Variants in PATJ observed in about 807,000 individuals in gnomAD.
PATJ encodes the protein PATJ crumbs cell polarity complex component.
PATJ carries 190 observed loss-of-function variants against 224.9 expected under a neutral mutation model. The ratio of observed to expected loss-of-function variants is 0.84; its 90% CI spans 0.75 to 0.95. The LOEUF (loss-of-function observed/expected upper bound fraction) is 0.95. Among genes scored for constraint, PATJ ranks in the 40% least tolerant of loss-of-function variants. PATJ has a pLI of 0.00. For missense variants in PATJ, 2,121 were observed against 2,270.3 expected, an observed-to-expected ratio of 0.93 and a Z score of 1.34; for synonymous variants, 769 against 820.3, an observed-to-expected ratio of 0.94 and a Z score of 1.07.
In PATJ at chr1:62,137,860, T is replaced by TG. The variant is rs199744660; in HGVS notation, c.5271+8921dup. Among the ~76,000 whole-genome samples, 1,466 of 151,852 alleles carry TG rather than the reference T, an allele frequency of 9.7e-3. 25 individuals are homozygous for TG. Among genetic ancestry groups the TG allele is most frequent in the South Asian group, 0.08 (384 of 4,784 alleles). ...GGCCAGTGGCCTCCCTCACCTCAGGTGGGGGGATCTCCTCCTTCTCTTCCT... is the reference window on the plus strand; with the variant it reads ...GGCCAGTGGCCTCCCTCACCTCAGGTGGGGGGGATCTCCTCCTTCTCTTCCT... On this transcript the variant is annotated intron_variant, in intron 41 of 43. Coordinates refer to ENST00000642238, the MANE Select transcript of PATJ (RefSeq NM_001350145.3).
intron 1 of PATJ, among the ~76,000 whole-genome samples, chr1:61,749,683 T>G (rs897644068): frequency 3.4e-5 from 4 of 117,684 alleles, no homozygotes; most frequent in Non-Finnish European, 7.7e-5. Flanking sequence ...CAGCCTGGTG[T>G]TTTTTTTTTT....
intron 28 of PATJ, among the ~76,000 whole-genome samples, chr1:61,998,050 AT>A (rs1645519312): frequency 7.5e-6 from 1 of 132,906 alleles, no homozygotes; most frequent in East Asian, 2.1e-4. Flanking sequence ...TATTATATAT[AT>A]TATATATAAT....
chr1:61,963,134 A>T (rs1469232643), intron 27 of PATJ, among the ~76,000 whole-genome samples: 1 of 115,044 alleles, frequency 8.7e-6, no homozygotes, highest in Non-Finnish European at 2.1e-5. Flanking sequence ...AATTAGCAGG[A>T]TTTCCACTGG....
chr1:62,145,625 A>C (rs1357825055), intron 41 of PATJ, among the ~76,000 whole-genome samples: 2 of 152,006 alleles, frequency 1.3e-5, no homozygotes, highest in African/African-American at 4.8e-5. Context: ...ATACCACTGC[A>C]CTCCAGCCTG....
At chr1:62,093,301 C>T (rs1661009976) in intron 33 of PATJ, among the ~76,000 whole-genome samples, 1 of 152,212 alleles carries the variant, frequency 6.6e-6, no homozygotes, top group African/African-American at 2.4e-5. Flanking sequence ...CTTAACCCCT[C>T]ATCATGTTGC....
chr1:62,156,054 T>TAA (rs34300724), intron 43 of PATJ, among the ~76,000 whole-genome samples: 18,580 of 43,006 alleles, frequency 0.43, 5,289 homozygotes, highest in East Asian at 0.62. Flanking sequence ...CAAGACTCTG[T>TAA]AAAAAAAAAA....
At chr1:61,885,346 A>G (rs1484982507) in intron 22 of PATJ, among the ~76,000 whole-genome samples, 1 of 152,138 alleles carries the variant, frequency 6.6e-6, no homozygotes, top group Admixed American at 6.5e-5. Context: ...AACACAAACA[A>G]CCCCATCAAA....
At chr1:61,766,241 A>T in intron 3 of PATJ, 38 bp from the exon 4 acceptor site, 1 of 1,358,600 alleles carries the variant, frequency 7.4e-7, no homozygotes. Context: ...CAATTTTTCT[A>T]TAGATTTCTG....
intron 25 of PATJ, among the ~76,000 whole-genome samples, chr1:61,910,660 G>C (rs1449595202): frequency 7.2e-6 from 1 of 139,212 alleles, no homozygotes; most frequent in Non-Finnish European, 1.5e-5. Context: ...AATCTTCCCA[G>C]TTCAGCCTCC....
In PATJ at chr1:61,975,091, T is replaced by C. The variant is rs148431085; in HGVS notation, c.3671-15077T>C. Among the ~76,000 whole-genome samples, 1,058 of 152,078 alleles carry C rather than the reference T, an allele frequency of 7.0e-3. 4 individuals are homozygous for C. Among genetic ancestry groups the C allele is most frequent in the Non-Finnish European group, 0.011 (747 of 68,000 alleles). ...TCCTGAGTAGCTGGGACTATAGGCA[T>C]GAGCCACCACACCTGGCTAATGTTC... On this transcript the variant is annotated intron_variant, in intron 27 of 43. Transcript: ENST00000642238.
At chr1:62,117,106 T>G (rs1211523658) in intron 36 of PATJ, 26 bp from the exon 37 acceptor site, 2 of 1,580,486 alleles carry the variant, frequency 1.3e-6, no homozygotes, top group Non-Finnish European at 1.7e-6. Flanking sequence ...TACTTTTCAT[T>G]TCTGTTCTTT....
At position 61,828,967 on chromosome 1, in the gene PATJ, T is replaced by C. The variant is rs140237887; in HGVS notation, c.1980+1384T>C. Among the ~76,000 whole-genome samples, 704 of 152,332 alleles carry C rather than the reference T, an allele frequency of 4.6e-3. 5 individuals carry two copies. The highest frequency in any genetic ancestry group is 0.015 in the African/African-American group (641 of 41,574). On this transcript the variant is annotated intron_variant, in intron 16 of 43. Transcript: ENST00000642238. Reference sequence around the variant, plus strand: ...ATCATACTTACCCATCTCATGAGTTTGTGCAAGAAGGAAATGTGGTAATGT... The same window carrying C: ...ATCATACTTACCCATCTCATGAGTTCGTGCAAGAAGGAAATGTGGTAATGT...
rs369233416 is a variant in PATJ, at chr1:61,847,500, A to G, written c.2113-8530A>G. Among the ~76,000 whole-genome samples the G allele has an allele frequency of 6.6e-4, 100 of 152,358 alleles. 2 individuals carry two copies. In the South Asian group the frequency reaches 0.02, roughly 30 times the overall value. ...TAAGACACAAGGAGCCAGGAACCGTATCAGTTTAATCTATCTTGAGTGGAC... is the reference window on the plus strand; with the variant it reads ...TAAGACACAAGGAGCCAGGAACCGTGTCAGTTTAATCTATCTTGAGTGGAC... On this transcript the variant is annotated intron_variant, in intron 17 of 43. Transcript: ENST00000642238.
At chr1:61,920,907 T>C (rs1481007878) in intron 26 of PATJ, among the ~76,000 whole-genome samples, 1 of 152,022 alleles carries the variant, frequency 6.6e-6, no homozygotes, top group Non-Finnish European at 1.5e-5. Flanking sequence ...GGTTTCACCA[T>C]GTTGGCCAGG....
chr1:62,130,711 C>G (rs563147019), intron 41 of PATJ, among the ~76,000 whole-genome samples: 1 of 151,890 alleles, frequency 6.6e-6, no homozygotes, highest in Non-Finnish European at 1.5e-5. Context: ...ATTAGCCGGG[C>G]ATGGTGGCGG....
intron 31 of PATJ, among the ~76,000 whole-genome samples, chr1:62,062,392 C>CTTTTTTTCTTTT (rs1655641579): frequency 3.5e-5 from 1 of 28,458 alleles, no homozygotes; most frequent in African/African-American, 1.6e-4. Flanking sequence ...ATGTTGTCTT[C>CTTTTTTTCTTTT]TTTTTTTTTT....
Position 62,029,024 on chromosome 1 carries a change from G to C in PATJ, c.3960-8953G>C, listed in dbSNP as rs1648655549. Among the ~76,000 whole-genome samples, 3 of 149,336 alleles carry C rather than the reference G, an allele frequency of 2.0e-5. No individual in the cohort carries two copies. The South Asian group carries it at 6.3e-4, about 32-fold the overall frequency. On this transcript the variant is annotated intron_variant, in intron 29 of 43. Coordinates refer to ENST00000642238, the MANE Select transcript of PATJ (RefSeq NM_001350145.3). ...GTATACCAGGGTTTATTTCTTGGCT[G>C]TCTGTCCTATTCCATTGGTTAATAT...
chr1:62,073,459 A>T (rs1657776090), intron 31 of PATJ: 1 of 304,718 alleles, frequency 3.3e-6, no homozygotes, highest in Admixed American at 6.5e-5. Context: ...TGCTAAAAAT[A>T]CAAAAATCTC....
In PATJ at chr1:62,106,158, GTATA is replaced by G. The variant is rs61653676; in HGVS notation, c.4378-2253_4378-2250del. Among the ~76,000 whole-genome samples the G allele has an allele frequency of 4.0e-3, 191 of 48,052 alleles. 17 individuals carry two copies. The highest frequency in any genetic ancestry group is 0.011 in the African/African-American group (156 of 14,180). The allele number at this position is 48,052 out of a possible 152,430, so 31.5% of individuals were successfully genotyped here. ...TACATGTGTATATGTGTGTGTGTGT[GTATA>G]TATATATATATATATATATATATAT... On this transcript the variant is annotated intron_variant, in intron 33 of 43. Coordinates refer to ENST00000642238, the MANE Select transcript of PATJ (RefSeq NM_001350145.3).
Sources: allele counts gnomAD v4.1 joint callset (sites outside exome capture counted in the v4.1 genomes callset), GRCh38; gene constraint gnomAD v4.1.1; transcripts MANE v1.5; gene names NCBI Gene and HGNC (gene_info 2026-07-23, HGNC 2026-07-21).